Variants in SUMF1 observed in about 807,000 individuals in gnomAD.
SUMF1 encodes formylglycine-generating enzyme.
Under a neutral mutation model 47.6 loss-of-function variants are expected in SUMF1, and 48 were observed. The ratio of observed to expected loss-of-function variants is 1.01; its 90% CI spans 0.80 to 1.28. The LOEUF is 1.28. Ranked by LOEUF, SUMF1 falls within the 50% of genes most tolerant of loss-of-function variation. The pLI, the probability that SUMF1 is intolerant of heterozygous loss-of-function variation, is 0.00. For missense variants in SUMF1, 571 were observed against 485.4 expected (o/e 1.18, Z -1.66); for synonymous variants, 230 against 192.1 (o/e 1.20, Z -1.63).
chr3:4,400,970 C>CT (rs1424083801), intron 7 of SUMF1, among the ~76,000 whole-genome samples: 1 of 118,182 alleles, frequency 8.5e-6, no homozygotes, highest in African/African-American at 3.3e-5. Context: ...CCCCCTCCCC[C>CT]CACCCCACAA....
chr3:4,396,582 C>A (rs1701045841), intron 7 of SUMF1, among the ~76,000 whole-genome samples: 1 of 152,160 alleles, frequency 6.6e-6, no homozygotes, highest in Non-Finnish European at 1.5e-5. Flanking sequence ...CCTTCCCCAC[C>A]AACCATTTGA....
At chr3:4,104,684 C>CTCTCTCTG (rs1379299398) in intron 8 of SUMF1, among the ~76,000 whole-genome samples, 2 of 151,914 alleles carry the variant, frequency 1.3e-5, no homozygotes, top group Non-Finnish European at 2.9e-5. Context: ...CTCTCTCTCT[C>CTCTCTCTG]TCTCTCTTTC....
Position 4,076,677 on chromosome 3 carries a change from G to A in SUMF1, c.1015-7932C>T, listed in dbSNP as rs181871778. On this transcript the variant is annotated intron_variant and NMD_transcript_variant, in intron 8 of 12. Transcript: ENST00000448413. ...AAAACAAAAAACCCCATCAAAAAGC[G>A]GGTGAAGGATATGAACAGATACTTC... 2.0e-3 allele frequency among the ~76,000 whole-genome samples: 300 copies of A among 152,222 alleles called. 5 individuals carry two copies. The highest frequency in any genetic ancestry group is 6.4e-3 in the African/African-American group (267 of 41,508).
intron 8 of SUMF1, among the ~76,000 whole-genome samples, chr3:4,353,242 A>C (rs555600276): frequency 6.6e-6 from 1 of 152,260 alleles, no homozygotes; most frequent in East Asian, 1.9e-4. Context: ...TTTACATTTT[A>C]AGAAAAAATT....
At chr3:4,342,459 G>A (rs1699291585) in intron 8 of SUMF1, among the ~76,000 whole-genome samples, 1 of 152,178 alleles carries the variant, frequency 6.6e-6, no homozygotes, top group Non-Finnish European at 1.5e-5. Context: ...CTTGAACCCA[G>A]AAGACAAAGG....
intron 8 of SUMF1, among the ~76,000 whole-genome samples, chr3:4,330,373 T>C (rs544992838): frequency 1.4e-4 from 22 of 151,736 alleles, no homozygotes; most frequent in Non-Finnish European, 2.9e-4. Context: ...AAAAAAGAGG[T>C]TTAATGGATT....
intron 8 of SUMF1, among the ~76,000 whole-genome samples, chr3:4,174,413 C>A (rs1202643630): frequency 1.3e-5 from 2 of 151,208 alleles, no homozygotes; most frequent in African/African-American, 4.9e-5. Flanking sequence ...AACCTGGAAT[C>A]CAGCCAGGGA....
intron 8 of SUMF1, among the ~76,000 whole-genome samples, chr3:4,364,138 G>T (rs1218511366): frequency 7.1e-6 from 1 of 141,304 alleles, no homozygotes; most frequent in Non-Finnish European, 1.6e-5. Context: ...GTATTTTATT[G>T]AGGATTTTTG....
rs1157105103 is a variant in SUMF1 at position 4,453,140 on chromosome 3, A to C, written c.271-91T>G. The C allele has an allele frequency of 2.3e-6, 3 of 1,323,688 alleles. No homozygotes were observed. The African/African-American group carries it at 4.4e-5, about 19-fold the overall frequency. 82.0% of individuals were successfully genotyped at this position (1,323,688 alleles called of 1,614,324 possible). Reference sequence around the variant, plus strand: ...AGTTCCTAGCACCCAGGAAGCACGCAAGTTTGTAAATCTTCACCACAGTAA... The same window carrying C: ...AGTTCCTAGCACCCAGGAAGCACGCCAGTTTGTAAATCTTCACCACAGTAA... On this transcript the variant is annotated intron_variant, in intron 1 of 8. Transcript: ENST00000272902.
chr3:4,313,273 G>A (rs780460850), intron 8 of SUMF1: 5 of 1,613,482 alleles, frequency 3.1e-6, no homozygotes, highest in Non-Finnish European at 4.2e-6. Flanking sequence ...ATTCTCTGAA[G>A]TTCAGAGAAG....
chr3:4,087,865 TAATCTC>T (rs1434811730), intron 8 of SUMF1, among the ~76,000 whole-genome samples: 1 of 152,154 alleles, frequency 6.6e-6, no homozygotes, highest in Non-Finnish European at 1.5e-5. Flanking sequence ...ACTTCAGTGA[TAATCTC>T]AGATAAATCA....
At chr3:4,241,556 C>A (rs182182817) in intron 8 of SUMF1, among the ~76,000 whole-genome samples, 10 of 152,210 alleles carry the variant, frequency 6.6e-5, no homozygotes, top group Admixed American at 4.6e-4. Context: ...CAAATGAGAT[C>A]ATATATATGA....
intron 8 of SUMF1, among the ~76,000 whole-genome samples, chr3:4,342,089 T>C (rs951620683): frequency 6.6e-6 from 1 of 152,222 alleles, no homozygotes; most frequent in Non-Finnish European, 1.5e-5. Flanking sequence ...ACATGCCAGA[T>C]GTAATCTAGC....
intron 8 of SUMF1, among the ~76,000 whole-genome samples, chr3:4,312,227 A>G (rs1698433693): frequency 6.6e-6 from 1 of 152,154 alleles, no homozygotes; most frequent in African/African-American, 2.4e-5. Flanking sequence ...GTAACCCACA[A>G]TTAAAATACA....
chr3:4,082,874 T>G (rs975905953), intron 8 of SUMF1, among the ~76,000 whole-genome samples: 1 of 152,142 alleles, frequency 6.6e-6, no homozygotes, highest in African/African-American at 2.4e-5. Flanking sequence ...AGTCAATCTA[T>G]TTTAGATGAT....
At chr3:4,099,418 T>A (rs149738007) in intron 8 of SUMF1, among the ~76,000 whole-genome samples, 14 of 152,298 alleles carry the variant, frequency 9.2e-5, no homozygotes, top group Admixed American at 7.8e-4. Flanking sequence ...CATATTTTTA[T>A]AATTAAAACT....
chr3:4,099,889 A>G (rs1233396575), intron 8 of SUMF1, among the ~76,000 whole-genome samples: 2 of 151,922 alleles, frequency 1.3e-5, no homozygotes, highest in African/African-American at 4.8e-5. Flanking sequence ...GTGTAAATTA[A>G]ACTAAGGAAA....
chr3:4,059,815 T>C (rs1196396917), intron 9 of SUMF1, among the ~76,000 whole-genome samples: 1 of 146,468 alleles, frequency 6.8e-6, no homozygotes, highest in Admixed American at 6.8e-5. Context: ...AAAAAAAACC[T>C]TGAGCTGAGA....
chr3:4,356,079 G>C (rs1699611324), intron 8 of SUMF1, among the ~76,000 whole-genome samples: 1 of 152,146 alleles, frequency 6.6e-6, no homozygotes, highest in Non-Finnish European at 1.5e-5. Flanking sequence ...ACACAAGTCA[G>C]AGGAAGGAAG....
Sources: allele counts gnomAD v4.1 joint callset (sites outside exome capture counted in the v4.1 genomes callset), GRCh38; gene constraint gnomAD v4.1.1; transcripts MANE v1.5; gene names NCBI Gene and HGNC (gene_info 2026-07-23, HGNC 2026-07-21).